The following AGBL4 variants were observed in gnomAD, a reference collection of about 807,000 sequenced individuals.
AGBL4 encodes the protein cytosolic carboxypeptidase 6.
A neutral mutation model predicts 66.4 loss-of-function variants in AGBL4; 58 were observed. The observed-to-expected ratio is 0.87, with a 90% CI of 0.71 to 1.09. The LOEUF (loss-of-function observed/expected upper bound fraction) is 1.09. Ranked by LOEUF, AGBL4 falls within the 50% of genes least tolerant of loss-of-function variation. AGBL4 has a pLI of 0.00. For missense variants in AGBL4, 579 were observed against 631.0 expected, an observed-to-expected ratio of 0.92 and a Z score of 0.88; for synonymous variants, 234 against 222.9, an observed-to-expected ratio of 1.05 and a Z score of -0.44.
intron 3 of AGBL4, among the ~76,000 whole-genome samples, chr1:49,570,164 C>G (rs1450733741): frequency 2.0e-5 from 3 of 151,656 alleles, no homozygotes; most frequent in Admixed American, 6.6e-5. Context: ...ACTTTTTTTT[C>G]CCATGGAGGT....
intron 1 of AGBL4, among the ~76,000 whole-genome samples, chr1:49,927,119 G>T (rs1463017302): frequency 2.0e-5 from 3 of 152,086 alleles, no homozygotes; most frequent in Non-Finnish European, 4.4e-5. Context: ...TTATTAGATG[G>T]TGCCCACCTG....
intron 6 of AGBL4, among the ~76,000 whole-genome samples, chr1:48,820,639 C>G (rs1646290524): frequency 6.6e-6 from 1 of 152,100 alleles, no homozygotes; most frequent in African/African-American, 2.4e-5. Flanking sequence ...CCTTCAAACT[C>G]CAACCGAAAT....
chr1:48,593,648 G>T (rs962228125), intron 9 of AGBL4, among the ~76,000 whole-genome samples: 2 of 152,166 alleles, frequency 1.3e-5, no homozygotes, highest in African/African-American at 4.8e-5. Flanking sequence ...CTACTCAGGA[G>T]GCTGAGGCAG....
chr1:49,725,685 T>G (rs1648970920), intron 2 of AGBL4, among the ~76,000 whole-genome samples: 1 of 145,510 alleles, frequency 6.9e-6, no homozygotes, highest in South Asian at 2.3e-4. Flanking sequence ...TTTGTGGGTT[T>G]TTTTTTTTTT....
At chr1:49,007,964 A>C (rs1662006973) in intron 5 of AGBL4, among the ~76,000 whole-genome samples, 1 of 152,088 alleles carries the variant, frequency 6.6e-6, no homozygotes, top group African/African-American at 2.4e-5. Context: ...AAGAAACTGC[A>C]TCAACTAACG....
At chr1:49,456,828 G>C (rs987314344) in intron 3 of AGBL4, among the ~76,000 whole-genome samples, 27 of 151,778 alleles carry the variant, frequency 1.8e-4, no homozygotes, top group Admixed American at 3.3e-4. Flanking sequence ...ACGATGTTTG[G>C]TTTTCCATTC....
At chr1:49,630,539 T>C (rs1645550377) in intron 3 of AGBL4, among the ~76,000 whole-genome samples, 1 of 152,176 alleles carries the variant, frequency 6.6e-6, no homozygotes, top group Non-Finnish European at 1.5e-5. Flanking sequence ...CTTGGTGTGA[T>C]TGCCTAGGTG....
chr1:48,821,964 G>T (rs1251108567), intron 6 of AGBL4, among the ~76,000 whole-genome samples: 1 of 152,158 alleles, frequency 6.6e-6, no homozygotes, highest in African/African-American at 2.4e-5. Flanking sequence ...ATGAAAAAGT[G>T]TTGAACATCA....
chr1:48,944,459 T>C (rs1656287339), intron 5 of AGBL4, among the ~76,000 whole-genome samples: 1 of 152,112 alleles, frequency 6.6e-6, no homozygotes, highest in African/African-American at 2.4e-5. Flanking sequence ...CCATAGACTG[T>C]CAGAGGAAAA....
At chr1:49,737,937 G>A (rs562192844) in intron 2 of AGBL4, among the ~76,000 whole-genome samples, 9 of 152,238 alleles carry the variant, frequency 5.9e-5, no homozygotes, top group Non-Finnish European at 8.8e-5. Context: ...CTGAGGTACC[G>A]GGTTCATCTC....
At chr1:48,974,679 A>T (rs915014712) in intron 5 of AGBL4, among the ~76,000 whole-genome samples, 1 of 152,164 alleles carries the variant, frequency 6.6e-6, no homozygotes, top group African/African-American at 2.4e-5. Context: ...AAGTAATTGG[A>T]TGAATCTTGG....
chr1:49,730,437 C>T (rs1000882400), intron 2 of AGBL4, among the ~76,000 whole-genome samples: 2 of 152,156 alleles, frequency 1.3e-5, no homozygotes, highest in South Asian at 2.1e-4. Flanking sequence ...TCGGGACTCC[C>T]CAAGCCAGAA....
intron 6 of AGBL4, among the ~76,000 whole-genome samples, chr1:48,701,355 G>A (rs897288996): frequency 8.9e-6 from 1 of 111,878 alleles, no homozygotes; most frequent in Admixed American, 1.0e-4. Flanking sequence ...ACCATAGGCA[G>A]GTGTCTGCCT....
chr1:48,648,290 C>T (rs954707328), intron 8 of AGBL4, among the ~76,000 whole-genome samples: 4 of 152,154 alleles, frequency 2.6e-5, no homozygotes, highest in Non-Finnish European at 5.9e-5. Context: ...ACTTGAAGAA[C>T]GTCATGTAAG....
chr1:48,847,105 A>G (rs1252125664), intron 6 of AGBL4, among the ~76,000 whole-genome samples: 1 of 152,134 alleles, frequency 6.6e-6, no homozygotes, highest in Non-Finnish European at 1.5e-5. Flanking sequence ...GTTCGAGACC[A>G]GCCTGATCAA....
rs182699297 is a variant in AGBL4 at position 49,399,251 on chromosome 1, G to T, written c.283-153387C>A. Among the ~76,000 whole-genome samples, 3 of 152,058 alleles carry T rather than the reference G, an allele frequency of 2.0e-5. No individual in the cohort carries two copies. The East Asian group carries it at 5.8e-4, about 29-fold the overall frequency. ...TTCTTTATCCATTCCTCTGTTTATG[G>T]GCATGTGGGTTGCTTCCAAATCTTA... On this transcript the variant is annotated intron_variant, in intron 3 of 13. Transcript: ENST00000371839.
At chr1:49,997,116 C>T (rs1660426206) in intron 1 of AGBL4, among the ~76,000 whole-genome samples, 1 of 152,044 alleles carries the variant, frequency 6.6e-6, no homozygotes. Context: ...AAGCATAAAT[C>T]TCACAGGACC....
chr1:49,656,535 C>T (rs1418364060), intron 3 of AGBL4, among the ~76,000 whole-genome samples: 3 of 152,100 alleles, frequency 2.0e-5, no homozygotes, highest in Non-Finnish European at 4.4e-5. Flanking sequence ...ATACCAAAGC[C>T]GGGCAGAGGC....
chr1:49,158,265 A>G (rs926249541), intron 4 of AGBL4, among the ~76,000 whole-genome samples: 1 of 152,208 alleles, frequency 6.6e-6, no homozygotes, highest in Non-Finnish European at 1.5e-5. Context: ...GGACATAGAC[A>G]TGGGCAAAGA....
Sources: gnomAD v4.1 joint callset for allele counts (sites outside exome capture counted in the v4.1 genomes callset) on GRCh38, gnomAD v4.1.1 for gene constraint, MANE v1.5 for transcripts, NCBI Gene and HGNC (gene_info 2026-07-23, HGNC 2026-07-21) for gene names.